Variants in TRAPPC10 observed in about 807,000 individuals in gnomAD.
TRAPPC10 encodes the protein TRAPP 130 kDa subunit.
In TRAPPC10, 23 loss-of-function variants were observed where a neutral mutation model predicts 125.5. The ratio of observed to expected loss-of-function variants is 0.18; its 90% CI spans 0.13 to 0.26. The LOEUF is 0.26. TRAPPC10 is among the 10% of genes least tolerant of loss of function. The pLI, the probability that TRAPPC10 is intolerant of heterozygous loss-of-function variation, is 1.00. For synonymous variants in TRAPPC10, 509 were observed against 518.0 expected (o/e 0.98, Z 0.24); for missense variants, 1,123 against 1,308.4 (o/e 0.86, Z 2.19).
chr21:44,015,696 C>T (rs2031755856), intron 1 of TRAPPC10, among the ~76,000 whole-genome samples: 1 of 151,584 alleles, frequency 6.6e-6, no homozygotes, highest in African/African-American at 2.4e-5. Flanking sequence ...CTCACTGCAA[C>T]TTCTGCCTCC....
At chr21:44,085,714 A>G (rs1051344078) in intron 15 of TRAPPC10, among the ~76,000 whole-genome samples, 1 of 151,892 alleles carries the variant, frequency 6.6e-6, no homozygotes, top group Admixed American at 6.6e-5. Flanking sequence ...CTCTTAAAAA[A>G]AAAAAAAGTT....
chr21:44,084,350 T>G, intron 15 of TRAPPC10, 87 bp downstream of exon 15: 3 of 1,372,904 alleles, frequency 2.2e-6, no homozygotes, highest in Non-Finnish European at 2.9e-6. Flanking sequence ...CTCATAAGTT[T>G]TAGCTGTGTC....
At chr21:44,038,239 C>A (rs1407624007) in intron 3 of TRAPPC10, among the ~76,000 whole-genome samples, 1 of 152,196 alleles carries the variant, frequency 6.6e-6, no homozygotes, top group Non-Finnish European at 1.5e-5. Flanking sequence ...CCTGGTCTGG[C>A]GTGCTGTGCT....
intron 1 of TRAPPC10, among the ~76,000 whole-genome samples, chr21:44,025,821 G>GTGTGT (rs2032991774): frequency 1.8e-5 from 2 of 109,866 alleles, no homozygotes; most frequent in African/African-American, 6.9e-5. Flanking sequence ...AGAGGGCAGG[G>GTGTGT]GTGTGTGTGT....
chr21:44,057,454 C>T (rs531491557), intron 5 of TRAPPC10, among the ~76,000 whole-genome samples: 49 of 151,990 alleles, frequency 3.2e-4, no homozygotes, highest in African/African-American at 9.7e-4. Context: ...TGCGCCACCA[C>T]GCCCAGCTAA....
intron 1 of TRAPPC10, among the ~76,000 whole-genome samples, chr21:44,019,871 G>C (rs1041140224): frequency 1.3e-5 from 2 of 152,196 alleles, no homozygotes; most frequent in Non-Finnish European, 2.9e-5. Flanking sequence ...TTTGTCCTTC[G>C]TGTACTCCTG....
At position 44,088,787 on chromosome 21, in the gene TRAPPC10, CACTCTTCCCT is replaced by C; in HGVS notation, c.2769+860_2769+869del. 2 of 145,920 alleles carry C rather than the reference CACTCTTCCCT, an allele frequency of 1.4e-5. 1 individual carries two copies. Among genetic ancestry groups the C allele is most frequent in the African/African-American group, 5.3e-5 (2 of 38,054 alleles). The allele number at this position is 145,920 out of a possible 1,614,324, so 9.0% of individuals were successfully genotyped here. On this transcript the variant is annotated intron_variant, in intron 17 of 22. Transcript: ENST00000291574. ...ACCTGTGCTGTGTGCCGTGTTATCC[CACTCTTCCCT>C]GGCGCTGGCGGCACCTGTGCTGTGT...
At chr21:44,060,009 A>C (rs560584500) in intron 6 of TRAPPC10, 1 of 154,926 alleles carries the variant, frequency 6.5e-6, no homozygotes, top group East Asian at 1.9e-4. Context: ...GTGTGAAGGA[A>C]GGAGTAATTT....
At chr21:44,046,216 C>G (rs1239495566) in intron 3 of TRAPPC10, 1 of 194,806 alleles carries the variant, frequency 5.1e-6, no homozygotes, top group African/African-American at 2.4e-5. Flanking sequence ...AATTAAACTT[C>G]TAACTTGCTT....
chr21:44,025,366 A>AAC (rs1317498689), intron 1 of TRAPPC10, among the ~76,000 whole-genome samples: 1 of 152,366 alleles, frequency 6.6e-6, no homozygotes, highest in African/African-American at 2.4e-5. Flanking sequence ...GGGTGCCAGG[A>AAC]ACAGGAGTGT....
chr21:44,079,856 A>T, intron 12 of TRAPPC10, 152 bp downstream of exon 12: 1 of 1,088,662 alleles, frequency 9.2e-7, no homozygotes. Context: ...TGAAATGTCT[A>T]GTCGATTTTT....
intron 3 of TRAPPC10, among the ~76,000 whole-genome samples, chr21:44,038,975 C>G (rs1165144186): frequency 1.3e-5 from 2 of 152,234 alleles, no homozygotes; most frequent in Admixed American, 1.3e-4. Flanking sequence ...CGTAGGCCCC[C>G]TCTGCCTGGC....
intron 7 of TRAPPC10, among the ~76,000 whole-genome samples, chr21:44,072,744 G>A (rs537584222): frequency 2.0e-4 from 31 of 152,302 alleles, no homozygotes; most frequent in South Asian, 1.0e-3. Flanking sequence ...GATTACAGGC[G>A]TGAGCCACCG....
Position 44,059,307 on chromosome 21 carries a change from A to T in TRAPPC10, c.790+93A>T. 1.2e-6 allele frequency: 1 copy of T among 839,162 alleles called. No homozygotes were observed. 52.0% of individuals were successfully genotyped at this position (839,162 alleles called of 1,614,324 possible). A position where few individuals can be genotyped will look rare whatever the true frequency, so the allele number is the denominator to read the frequency against. On this transcript the variant is annotated intron_variant, in intron 6 of 22. Coordinates refer to ENST00000291574, the MANE Select transcript of TRAPPC10 (RefSeq NM_003274.5). The surrounding 1 kb of genome is among the most constrained non-coding windows in gnomAD (Gnocchi z 4.4). The stretch of plus-strand genomic sequence containing the variant: ...GAAGCAGCCATTTATTTACCTCAGG[A>T]GTACGCATGTTTTGTTGTTGTCTTT...
At chr21:44,089,279 A>G (rs963902222) in intron 17 of TRAPPC10, 1 of 345,918 alleles carries the variant, frequency 2.9e-6, no homozygotes, top group African/African-American at 2.1e-5. Context: ...CCTGTGGGGA[A>G]TAAGGCTTGA....
intron 10 of TRAPPC10, among the ~76,000 whole-genome samples, chr21:44,076,924 T>C (rs1290391927): frequency 6.6e-6 from 1 of 152,162 alleles, no homozygotes; most frequent in East Asian, 1.9e-4. Flanking sequence ...TACTTTTCTT[T>C]GTAAAAAGGA....
In TRAPPC10 at chr21:44,037,777, A is replaced by G. The variant is rs1429832446; in HGVS notation, c.150-15A>G. 4 of 1,606,908 alleles carry G rather than the reference A, an allele frequency of 2.5e-6. No homozygotes were observed. The highest frequency in any genetic ancestry group is 2.5e-6 in the Non-Finnish European group (3 of 1,176,842). ...TTTAGTTGTTTTCTCAGTGACTTCA[A>G]ACAATTGTTTACAGGTCCTATGGCC... On this transcript the variant is annotated splice_polypyrimidine_tract_variant and intron_variant, in intron 2 of 22. Coordinates refer to ENST00000291574, the MANE Select transcript of TRAPPC10 (RefSeq NM_003274.5).
At chr21:44,070,523 TG>T (rs776037347) in intron 7 of TRAPPC10, among the ~76,000 whole-genome samples, 3 of 152,136 alleles carry the variant, frequency 2.0e-5, no homozygotes, top group Non-Finnish European at 4.4e-5. Context: ...TGGTCTTTGT[TG>T]TGTTGGGTGC....
intron 1 of TRAPPC10, among the ~76,000 whole-genome samples, chr21:44,017,294 A>G (rs2838469): frequency 0.28 from 43,124 of 152,044 alleles, 7,609 homozygotes; most frequent in African/African-American, 0.51. Flanking sequence ...TCTTGTACGC[A>G]TGACCTCGGT....
Sources: allele counts gnomAD v4.1 joint callset (sites outside exome capture counted in the v4.1 genomes callset), GRCh38; gene constraint gnomAD v4.1.1; non-coding constraint Gnocchi (gnomAD v3.1); transcripts MANE v1.5; gene names NCBI Gene and HGNC (gene_info 2026-07-23, HGNC 2026-07-21).